The following ZNF292 variants were observed in gnomAD, a reference collection of about 807,000 sequenced individuals.
The protein encoded by ZNF292 is zinc finger protein 292.
In ZNF292, 26 loss-of-function variants were observed where a neutral mutation model predicts 217.9. That is an observed-to-expected ratio of 0.12 (90% CI 0.09 to 0.17). The LOEUF is 0.17. ZNF292 is among the 10% of genes least tolerant of loss of function. ZNF292 has a pLI of 1.00. For synonymous variants in ZNF292, 1,257 were observed against 1,124.1 expected (o/e 1.12, Z -2.37); for missense variants, 2,904 against 3,175.2 (o/e 0.91, Z 2.05).
At chr6:87,234,455 A>T (rs924974779) in intron 5 of ZNF292, among the ~76,000 whole-genome samples, 4 of 152,036 alleles carry the variant, frequency 2.6e-5, no homozygotes, top group African/African-American at 9.7e-5. Context: ...GCTACTTGGT[A>T]GGCTGAGGCA....
intron 4 of ZNF292, among the ~76,000 whole-genome samples, chr6:87,229,176 G>A (rs1241498965): frequency 1.3e-5 from 2 of 152,012 alleles, no homozygotes; most frequent in African/African-American, 2.4e-5. Flanking sequence ...TGTTGCAATT[G>A]TAAATGGAAT....
At chr6:87,254,538 GTTGCTATTGCAAGAT>G in intron 7 of ZNF292, 97 bp from the exon 8 acceptor site, 1 of 1,010,690 alleles carries the variant, frequency 9.9e-7, no homozygotes, top group Non-Finnish European at 1.5e-6. Context: ...CCTTTCATAA[GTTGCTATTGCAAGAT>G]TTGAGTAAAA....
At chr6:87,235,554 A>T (rs899041785) in intron 5 of ZNF292, among the ~76,000 whole-genome samples, 1 of 150,680 alleles carries the variant, frequency 6.6e-6, no homozygotes, top group Non-Finnish European at 1.5e-5. Context: ...TCTGTGTCTC[A>T]AGTAAAAATC....
At chr6:87,215,003 G>T (rs1345992654) in intron 1 of ZNF292, 1 of 149,668 alleles carries the variant, frequency 6.7e-6, no homozygotes, top group African/African-American at 2.5e-5. Context: ...TCTAGGAAAA[G>T]AAACCTGAAT....
intron 7 of ZNF292, among the ~76,000 whole-genome samples, chr6:87,246,888 C>T (rs1431626366): frequency 6.6e-6 from 1 of 152,020 alleles, no homozygotes; most frequent in Non-Finnish European, 1.5e-5. Flanking sequence ...GACATGGTGG[C>T]TCACGCCTGT....
Position 87,258,455 on chromosome 6 carries a change from T to G in ZNF292, c.4826T>G (p.Ile1609Arg). The change falls in exon 8 of 8, where the codon ATA (isoleucine) becomes AGA (arginine). Residue 1609 changes from isoleucine to arginine, a missense_variant. This residue lies in a region of ZNF292 where 622 missense variants were observed against 573.1 expected (regional missense o/e 1.09). Coordinates refer to ENST00000369577, the MANE Select transcript of ZNF292 (RefSeq NM_015021.3). ...AGTAACAGTTCTCGTGTTTCTGTTA[T>G]AAGTGGTCCTCAGAACACAAGATCC... ...FTSNSSRVSV[I>R]SGPQNTRSSH... 6.2e-7 allele frequency: 1 copy of G among 1,613,696 alleles called. No homozygotes were observed. Among genetic ancestry groups the G allele is most frequent in the Non-Finnish European group, 8.5e-7 (1 of 1,179,758 alleles).
chr6:87,162,725 T>A (rs975939744), intron 1 of ZNF292, among the ~76,000 whole-genome samples: 1 of 152,228 alleles, frequency 6.6e-6, no homozygotes, highest in African/African-American at 2.4e-5. Flanking sequence ...AGAAGATTTA[T>A]TCTGCAGCTG....
At chr6:87,210,349 A>G (rs1463411853) in intron 1 of ZNF292, among the ~76,000 whole-genome samples, 1 of 152,198 alleles carries the variant, frequency 6.6e-6, no homozygotes, top group African/African-American at 2.4e-5. Context: ...CAATTAGGAA[A>G]AAAAGTCAAA....
chr6:87,204,963 G>C (rs1310955153), intron 1 of ZNF292, among the ~76,000 whole-genome samples: 2 of 151,954 alleles, frequency 1.3e-5, no homozygotes, highest in East Asian at 3.9e-4. Context: ...CAAGTTTATA[G>C]TACCCTCAAA....
intron 1 of ZNF292, among the ~76,000 whole-genome samples, chr6:87,192,704 T>C (rs1771853224): frequency 6.6e-6 from 1 of 152,186 alleles, no homozygotes; most frequent in Non-Finnish European, 1.5e-5. Context: ...TGCATTTAAT[T>C]ATTAAATAAA....
chr6:87,243,023 T>C (rs1419667422), intron 5 of ZNF292, among the ~76,000 whole-genome samples: 2 of 152,156 alleles, frequency 1.3e-5, no homozygotes, highest in Non-Finnish European at 2.9e-5. Flanking sequence ...ACGTAGTTTA[T>C]TAGTCTATAC....
At chr6:87,224,319 A>T (rs1359338147) in intron 4 of ZNF292, among the ~76,000 whole-genome samples, 1 of 152,056 alleles carries the variant, frequency 6.6e-6, no homozygotes, top group Non-Finnish European at 1.5e-5. Context: ...AACCTCCTAA[A>T]TAACTTTTTT....
At chr6:87,157,902 C>G (rs1264132711) in intron 1 of ZNF292, among the ~76,000 whole-genome samples, 1 of 152,042 alleles carries the variant, frequency 6.6e-6, no homozygotes, top group Non-Finnish European at 1.5e-5. Context: ...CACTGTATGT[C>G]GGCCAGGCTG....
At position 87,243,478 on chromosome 6, in the gene ZNF292, T is replaced by G. The variant is rs753704164; in HGVS notation, c.745T>G (p.Ser249Ala). 3 of 1,544,948 alleles carry G rather than the reference T, an allele frequency of 1.9e-6. No individual in the cohort carries two copies. Among genetic ancestry groups the G allele is most frequent in the Non-Finnish European group, 2.6e-6 (3 of 1,145,994 alleles). ...SPNGKLIEEI[S>A]EVDCKDALEM... ...TTTCTATTGGCTTTTTCTTTAGATTTCAGAAGTTGATTGCAAAGATGCACT... is the reference window on the plus strand; with the variant it reads ...TTTCTATTGGCTTTTTCTTTAGATTGCAGAAGTTGATTGCAAAGATGCACT... The change falls in exon 6 of 8, where the codon TCA becomes GCA. Residue 249 changes from serine to alanine, a missense_variant. Ser to Ala is a moderately conservative substitution (Grantham distance 99). Around this residue, in one of 15 missense-constraint regions of ZNF292, gnomAD observed 313 missense variants for 451.0 expected, o/e 0.69. Coordinates refer to ENST00000369577, the MANE Select transcript of ZNF292 (RefSeq NM_015021.3).
intron 1 of ZNF292, chr6:87,213,828 G>C (rs1466462206): frequency 1.3e-5 from 2 of 152,212 alleles, no homozygotes; most frequent in Non-Finnish European, 2.9e-5. Context: ...ATTCTTTGAA[G>C]AGAAACTTGG....
intron 1 of ZNF292, among the ~76,000 whole-genome samples, chr6:87,192,374 T>C (rs1171299954): frequency 1.3e-5 from 2 of 151,998 alleles, no homozygotes. Flanking sequence ...GTTTTTTTTT[T>C]TTAACCCTAG....
At position 87,259,986 on chromosome 6, in the gene ZNF292, G is replaced by A; in HGVS notation, c.6357G>A (p.Gln2119=). ...SPYRPYRCVH[Q]GCFAAFTIQQ... is the part of the protein sequence containing the mutation. ...ACAGACCTTATCGATGTGTTCACCA[G>A]GGATGCTTTGCTGCCTTTACGATAC... The change falls in exon 8 of 8, where the codon CAG becomes CAA. Residue 2119 remains glutamine, a synonymous_variant. Coordinates refer to ENST00000369577, the MANE Select transcript of ZNF292 (RefSeq NM_015021.3). The A allele has an allele frequency of 6.2e-7, 1 of 1,613,644 alleles. No individual in the cohort carries two copies. Among genetic ancestry groups the A allele is most frequent in the Non-Finnish European group, 8.5e-7 (1 of 1,179,686 alleles).
At position 87,228,649 on chromosome 6, in the gene ZNF292, G is replaced by A. The variant is rs544688551; in HGVS notation, c.539-4676G>A. Among the ~76,000 whole-genome samples, 7 of 152,230 alleles carry A rather than the reference G, an allele frequency of 4.6e-5. No homozygotes were observed. In the South Asian group the frequency reaches 8.3e-4, roughly 18 times the overall value. ...TCCAGCTACATTCTTTTGCATTTAG[G>A]TATCTAATTTTTCCAGCACCATTTG... On this transcript the variant is annotated intron_variant, in intron 4 of 7. Coordinates refer to ENST00000369577, the MANE Select transcript of ZNF292 (RefSeq NM_015021.3).
chr6:87,201,983 A>G (rs1772110499), intron 1 of ZNF292, among the ~76,000 whole-genome samples: 1 of 152,162 alleles, frequency 6.6e-6, no homozygotes, highest in South Asian at 2.1e-4. Context: ...TAGCTTTGGG[A>G]TAAGTCTTGC....
Sources: gnomAD v4.1 joint callset for allele counts (sites outside exome capture counted in the v4.1 genomes callset) on GRCh38, gnomAD v4.1.1 for gene constraint, gnomAD v4.1.1 regional missense constraint, MANE v1.5 for transcripts, NCBI Gene and HGNC (gene_info 2026-07-23, HGNC 2026-07-21) for gene names.